The following TEX14 variants were observed in gnomAD, a reference collection of about 807,000 sequenced individuals.
TEX14 encodes the protein inactive serine/threonine-protein kinase TEX14.
In TEX14, 168 loss-of-function variants were observed where a neutral mutation model predicts 178.6. That is an observed-to-expected ratio of 0.94 (90% CI 0.83 to 1.07). The LOEUF (loss-of-function observed/expected upper bound fraction) is 1.07, where lower values mean the gene tolerates loss of function less well. Ranked by LOEUF, TEX14 falls within the 50% of genes least tolerant of loss-of-function variation. TEX14 has a pLI of 0.00. For synonymous variants in TEX14, 626 were observed against 634.1 expected (o/e 0.99, Z 0.19); for missense variants, 1,730 against 1,753.6 (o/e 0.99, Z 0.24).
In TEX14 at chr17:58,577,452, C is replaced by A. The variant is rs1320012495; in HGVS notation, c.3243G>T (p.Glu1081Asp). Residue 1081 changes from glutamate (E) to aspartate (D), a missense_variant, in exon 21 of 32, where the codon GAG becomes GAT. By Grantham distance (45) the Glu-to-Asp change is conservative. This residue lies in a region of TEX14 where 941 missense variants were observed against 1,072.4 expected (regional missense o/e 0.88). Coordinates refer to ENST00000349033, the MANE Select transcript of TEX14 (RefSeq NM_031272.5). The stretch of plus-strand genomic sequence containing the variant: ...GAATTTTTCTCATTTGGAACTTTTC[C>A]TCACCTGAAAGAATAAAGTTAAAAA... ...GAFAQPQVSG[E>D]EKFQMRKILG... The A allele has an allele frequency of 5.7e-6, 8 of 1,409,912 alleles. No individual in the cohort carries two copies. The highest frequency in any genetic ancestry group is 7.7e-6 in the Non-Finnish European group (8 of 1,044,440). 87.3% of individuals were successfully genotyped at this position (1,409,912 alleles called of 1,614,324 possible). A position where few individuals can be genotyped will look rare whatever the true frequency, so the allele number is the denominator to read the frequency against.
chr17:58,667,202 G>C (rs2047228640), intron 1 of TEX14, among the ~76,000 whole-genome samples: 1 of 152,294 alleles, frequency 6.6e-6, no homozygotes, highest in Non-Finnish European at 1.5e-5. Context: ...ATTCCAAGAA[G>C]GGGAACAGGG....
In TEX14 at chr17:58,681,058, G is replaced by T. The variant is rs536192131; in HGVS notation, c.-2+10881C>A. On this transcript the variant is annotated intron_variant, in intron 1 of 31. Transcript: ENST00000349033. ...GCACTTTGGGAGGCTGAGGTGGGTG[G>T]ATCACCTGAGGTCAGGAGTTCAAGA... Among the ~76,000 whole-genome samples the T allele has an allele frequency of 3.0e-4, 45 of 152,166 alleles. 1 individual carries two copies. In the East Asian group the frequency reaches 8.3e-3, roughly 28 times the overall value.
chr17:58,661,091 A>C (rs911910970), intron 1 of TEX14: 1 of 982,990 alleles, frequency 1.0e-6, no homozygotes, highest in Non-Finnish European at 1.7e-6. Context: ...CTTATGCTCC[A>C]ACACCTTCTT....
Position 58,573,186 on chromosome 17 carries a change from C to T in TEX14, c.3506G>A (p.Ser1169Asn). Residue 1169 changes from serine (S) to asparagine (N), a missense_variant, in exon 23 of 32, where the codon AGC (serine) becomes AAC (asparagine). By Grantham distance (46) the Ser-to-Asn change is conservative. This residue lies in a region of TEX14 where 941 missense variants were observed against 1,072.4 expected (regional missense o/e 0.88). Transcript: ENST00000349033. The stretch of plus-strand genomic sequence containing the variant: ...CTTCTCTTCCCTGTGATTACCTGGG[C>T]TGAGTGGAGTGCTGACACTGGTAGG... ...HAPTSVSTPL[S>N]PGSVSSAASQ... is the part of the protein sequence containing the mutation. 1 of 1,613,916 alleles carries T rather than the reference C, an allele frequency of 6.2e-7. No individual in the cohort carries two copies. Among genetic ancestry groups the T allele is most frequent in the Non-Finnish European group, 8.5e-7 (1 of 1,179,852 alleles).
At position 58,557,046 on chromosome 17, in the gene TEX14, T is replaced by A; in HGVS notation, c.4321A>T (p.Ile1441Leu). The A allele has an allele frequency of 1.2e-6, 2 of 1,613,770 alleles. No homozygotes were observed. Among genetic ancestry groups the A allele is most frequent in the Non-Finnish European group, 1.7e-6 (2 of 1,179,622 alleles). Residue 1441 changes from isoleucine (I) to leucine (L), a missense_variant and splice_region_variant, in exon 32 of 32, where the codon ATA becomes TTA. Physicochemically the swap from Ile to Leu is conservative, Grantham distance 5. Coordinates refer to ENST00000349033, the MANE Select transcript of TEX14 (RefSeq NM_031272.5). ...AAGTCACTCTGATCCAGCACGATTATCCTATGCACATGTTTTTTAAAGAAC... is the reference window on the plus strand; with the variant it reads ...AAGTCACTCTGATCCAGCACGATTAACCTATGCACATGTTTTTTAAAGAAC... The part of the protein sequence containing the change: ...KRLGWSESSR[I>L]IVLDQSDLSD
At chr17:58,672,301 G>GAGCCAATC (rs1170655297) in intron 1 of TEX14, among the ~76,000 whole-genome samples, 1 of 152,098 alleles carries the variant, frequency 6.6e-6, no homozygotes, top group Non-Finnish European at 1.5e-5. Flanking sequence ...ACTGGTCCTA[G>GAGCCAATC]AGCCAATCAA....
At chr17:58,634,645 G>C (rs1380036256) in intron 2 of TEX14, among the ~76,000 whole-genome samples, 1 of 152,134 alleles carries the variant, frequency 6.6e-6, no homozygotes, top group African/African-American at 2.4e-5. Context: ...CAGCCTAAGA[G>C]TAGAGAAGAG....
chr17:58,581,459 A>G, intron 19 of TEX14: 1 of 792,738 alleles, frequency 1.3e-6, no homozygotes, highest in African/African-American at 1.8e-5. Context: ...GTATGAATGC[A>G]TGGGTTCATA....
At chr17:58,657,226 T>A (rs755689387) in intron 1 of TEX14, among the ~76,000 whole-genome samples, 8 of 152,096 alleles carry the variant, frequency 5.3e-5, no homozygotes, top group Admixed American at 1.3e-4. Context: ...TACCTCAGCC[T>A]CCCAAAGTGC....
intron 2 of TEX14, among the ~76,000 whole-genome samples, chr17:58,638,614 C>T (rs1048780240): frequency 4.0e-4 from 61 of 152,190 alleles, no homozygotes; most frequent in Non-Finnish European, 6.3e-4. Flanking sequence ...TCTCGGCTTA[C>T]CACAACCTCC....
In TEX14 at chr17:58,569,449, C is replaced by T. The variant is rs2044473585; in HGVS notation, c.3818-189G>A. 6.6e-6 allele frequency among the ~76,000 whole-genome samples: 1 copy of T among 152,116 alleles called. No individual in the cohort carries two copies. Among genetic ancestry groups the T allele is most frequent in the Non-Finnish European group, 1.5e-5 (1 of 68,020 alleles). On this transcript the variant is annotated intron_variant, in intron 25 of 31. Transcript: ENST00000349033. This position sits in a 1 kb window ranked among gnomAD's most constrained non-coding sequence, Gnocchi z 4.1. ...CTAACATGTGAATGGCCTTTACTCCCCACTTCTACCCCAATCCCTTTCCTT... is the reference window on the plus strand; with the variant it reads ...CTAACATGTGAATGGCCTTTACTCCTCACTTCTACCCCAATCCCTTTCCTT...
intron 1 of TEX14, chr17:58,675,556 C>T (rs1333533587): frequency 6.6e-6 from 1 of 152,212 alleles, no homozygotes; most frequent in Admixed American, 6.5e-5. Context: ...ATCTCTGGCT[C>T]TTTCTAAAAA....
chr17:58,660,044 G>A (rs774797935), intron 1 of TEX14, among the ~76,000 whole-genome samples: 22 of 151,646 alleles, frequency 1.5e-4, no homozygotes, highest in Admixed American at 3.3e-4. Flanking sequence ...ACACCAGGAT[G>A]AGGATGATGA....
At chr17:58,669,817 G>T (rs1244255522) in intron 1 of TEX14, among the ~76,000 whole-genome samples, 3 of 149,842 alleles carry the variant, frequency 2.0e-5, no homozygotes, top group Non-Finnish European at 4.4e-5. Flanking sequence ...GTGAATACAT[G>T]TTAACAAAAT....
At chr17:58,661,555 G>A (rs1328039408) in intron 1 of TEX14, 2 of 751,062 alleles carry the variant, frequency 2.7e-6, no homozygotes, top group Non-Finnish European at 4.9e-6. Context: ...CGAACAGCTC[G>A]GGGAGCCGCG....
intron 17 of TEX14, 58 bp from the exon 18 acceptor site, chr17:58,586,140 T>C: frequency 1.3e-6 from 2 of 1,521,012 alleles, no homozygotes; most frequent in Non-Finnish European, 1.8e-6. Flanking sequence ...AAACACAGGC[T>C]TTCATCTAAA....
chr17:58,682,461 T>A (rs1244714761), intron 1 of TEX14, among the ~76,000 whole-genome samples: 3 of 151,874 alleles, frequency 2.0e-5, no homozygotes. Context: ...TTTTGCCATG[T>A]TGGCGAGGCT....
Position 58,611,163 on chromosome 17 carries a change from T to C in TEX14, c.1182A>G (p.Glu394=). The C allele has an allele frequency of 6.2e-7, 1 of 1,612,074 alleles. No individual in the cohort carries two copies. The highest frequency in any genetic ancestry group is 8.5e-7 in the Non-Finnish European group (1 of 1,178,350). Reference sequence around the variant, plus strand: ...GTCCCACTCCATGTTATGCCCACCTTTCCAACATGTACTCCAGGTTGGTCA... The same window carrying C: ...GTCCCACTCCATGTTATGCCCACCTCTCCAACATGTACTCCAGGTTGGTCA... The part of the protein sequence containing the change: ...ARLTNLEYML[E]SEDRGVQRDL... Residue 394 remains glutamate (E), a splice_region_variant and synonymous_variant, in exon 10 of 32, where the codon GAA becomes GAG. Transcript: ENST00000349033.
rs536732596 is a variant in TEX14 at position 58,593,010 on chromosome 17, C to T, written c.2576+545G>A. ...TATATGTATGAATATATTATATATA[C>T]GTATATGTGTATGAATATATTATAT... On this transcript the variant is annotated intron_variant, in intron 15 of 31. Transcript: ENST00000349033. 2.0e-5 allele frequency among the ~76,000 whole-genome samples: 3 copies of T among 151,834 alleles called. No individual in the cohort carries two copies. In the South Asian group the frequency reaches 6.2e-4, roughly 32 times the overall value.
Sources: gnomAD v4.1 joint callset for allele counts (sites outside exome capture counted in the v4.1 genomes callset) on GRCh38, gnomAD v4.1.1 for gene constraint, gnomAD v4.1.1 regional missense constraint, Gnocchi (gnomAD v3.1) non-coding constraint, MANE v1.5 for transcripts, NCBI Gene and HGNC (gene_info 2026-07-23, HGNC 2026-07-21) for gene names.